SNRPN: variants seen among roughly 807,000 people sequenced by gnomAD.
SNRPN encodes the protein small nuclear ribonucleoprotein polypeptide N.
In SNRPN, 7 loss-of-function variants were observed where a neutral mutation model predicts 25.2. The observed-to-expected ratio is 0.28, with a 90% CI of 0.16 to 0.52. The LOEUF (loss-of-function observed/expected upper bound fraction) is 0.52, where lower values mean the gene tolerates loss of function less well. SNRPN is among the 20% of genes least tolerant of loss of function. The pLI, the probability that SNRPN is intolerant of heterozygous loss-of-function variation, is 0.96. For missense variants in SNRPN, 196 were observed against 322.5 expected, an observed-to-expected ratio of 0.61 and a Z score of 3.00; for synonymous variants, 124 against 110.6, an observed-to-expected ratio of 1.12 and a Z score of -0.76.
chr15:24,876,052 T>C (rs1404298762), intron 1 of SNRPN, among the ~76,000 whole-genome samples: 1 of 113,772 alleles, frequency 8.8e-6, no homozygotes, highest in Admixed American at 9.6e-5. Flanking sequence ...ATACTTTGTC[T>C]CAAAAAAAAA....
intron 2 of SNRPN, chr15:24,909,167 T>C: frequency 7.1e-7 from 1 of 1,418,342 alleles, no homozygotes; most frequent in Non-Finnish European, 9.9e-7. Context: ...CTGTTTCTTG[T>C]AAGCATTTTC....
chr15:24,978,357 C>T (rs1490193431), intron 9 of SNRPN, 39 bp downstream of exon 9: 1 of 1,613,880 alleles, frequency 6.2e-7, no homozygotes. Flanking sequence ...TCAGCCAGGC[C>T]CCTGAATATG....
Position 24,974,852 on chromosome 15 carries a change from C to T in SNRPN, c.3+396C>T, listed in dbSNP as rs191246087. On this transcript the variant is annotated intron_variant, in intron 4 of 9. Transcript: ENST00000390687. ...GGGATTACAGGCATGAGATGAGCCA[C>T]TGTGCCTGGCCATGAGAAATGTTTC... 32 of 695,478 alleles carry T rather than the reference C, an allele frequency of 4.6e-5. No homozygotes were observed. The East Asian group carries it at 8.1e-4, about 18-fold the overall frequency. 43.1% of individuals were successfully genotyped at this position (695,478 alleles called of 1,614,324 possible).
chr15:24,857,244 T>C, intron 1 of SNRPN, among the ~76,000 whole-genome samples: 1 of 152,332 alleles, frequency 6.6e-6, no homozygotes, highest in Non-Finnish European at 1.5e-5. Context: ...AATAGGAATG[T>C]CGTCATGTTG....
chr15:24,909,144 T>A, intron 2 of SNRPN: 1 of 1,353,190 alleles, frequency 7.4e-7, no homozygotes, highest in South Asian at 1.2e-5. Flanking sequence ...CTGTTCTTTA[T>A]GTATTGAGAG....
chr15:24,907,547 G>A (rs542728131), intron 2 of SNRPN, among the ~76,000 whole-genome samples: 18 of 151,980 alleles, frequency 1.2e-4, no homozygotes, highest in African/African-American at 9.6e-5. Flanking sequence ...GCAGTGAGCC[G>A]AGATCGTGCC....
intron 4 of SNRPN, 147 bp from the exon 5 acceptor site, chr15:24,975,211 T>C: frequency 1.5e-6 from 1 of 668,654 alleles, no homozygotes; most frequent in Non-Finnish European, 2.6e-6. Flanking sequence ...ATACTAAATA[T>C]GGAAGAATGT....
At chr15:24,869,727 G>A (rs1210686374) in intron 1 of SNRPN, among the ~76,000 whole-genome samples, 1 of 152,266 alleles carries the variant, frequency 6.6e-6, no homozygotes, top group East Asian at 1.9e-4. Flanking sequence ...GGACAAGTTA[G>A]CCTTTGTCAA....
intron 1 of SNRPN, among the ~76,000 whole-genome samples, chr15:24,958,154 T>C (rs181303445): frequency 6.6e-6 from 1 of 152,348 alleles, no homozygotes; most frequent in African/African-American, 2.4e-5. Context: ...AGTTACTCTG[T>C]ATCTTTATGT....
At chr15:24,883,713 C>G (rs993349952) in intron 1 of SNRPN, among the ~76,000 whole-genome samples, 1 of 151,614 alleles carries the variant, frequency 6.6e-6, no homozygotes, top group African/African-American at 2.4e-5. Context: ...TAGTATTTAT[C>G]AAGAATGTAG....
At chr15:24,927,474 AAATTTTTTTTTTTTTTTTTTTT>A (rs2060468399) in intron 3 of SNRPN, among the ~76,000 whole-genome samples, 1 of 6,854 alleles carries the variant, frequency 1.5e-4, no homozygotes, top group Non-Finnish European at 3.3e-4. Context: ...TAAAGTTTTT[AAATTTTTTTTTTTTTTTTTTTT>A]TTTTTTTTTT....
chr15:24,933,204 A>C (rs1315602659), intron 3 of SNRPN, among the ~76,000 whole-genome samples: 1 of 152,142 alleles, frequency 6.6e-6, no homozygotes, highest in Non-Finnish European at 1.5e-5. Flanking sequence ...GGCTGCAGTT[A>C]GCCAAGATCC....
intron 1 of SNRPN, among the ~76,000 whole-genome samples, chr15:24,881,406 C>T (rs902476618): frequency 1.4e-4 from 21 of 151,414 alleles, no homozygotes; most frequent in Non-Finnish European, 2.8e-4. Context: ...GGGTGGACAC[C>T]TGTAATCCCA....
intron 2 of SNRPN, among the ~76,000 whole-genome samples, chr15:24,835,710 A>G (rs2051110118): frequency 6.6e-6 from 1 of 152,188 alleles, no homozygotes; most frequent in Non-Finnish European, 1.5e-5. Flanking sequence ...ACCAAAATGT[A>G]CAACTTTTTA....
intron 2 of SNRPN, among the ~76,000 whole-genome samples, chr15:24,834,751 C>CTCTCTCTCTCTCTCTCTCTATATATATA: frequency 1.6e-5 from 1 of 60,944 alleles, no homozygotes; most frequent in African/African-American, 5.9e-5. Flanking sequence ...CTCTCTCTCT[C>CTCTCTCTCTCTCTCTCTCTATATATATA]TATATATATA....
In SNRPN at chr15:24,835,093, T is replaced by TATATATACTATATATATCTATATATAAA. The variant is rs1566807559; in HGVS notation, c.-579+5191_-579+5192insTATACTATATATATCTATATATAAAATA. ...AGTATATATATCTATATATAAAATA[T>TATATATACTATATATATCTATATATAAA]ATAGATATATATACTATATATCTAT... is the stretch of plus-strand genomic sequence containing the variant. On this transcript the variant is annotated intron_variant, in intron 2 of 12. Transcript: ENST00000400100. Among the ~76,000 whole-genome samples the TATATATACTATATATATCTATATATAAA allele has an allele frequency of 4.1e-3, 45 of 10,892 alleles. 2 individuals are homozygous for TATATATACTATATATATCTATATATAAA. Among genetic ancestry groups the TATATATACTATATATATCTATATATAAA allele is most frequent in the African/African-American group, 7.5e-3 (31 of 4,110 alleles). 7.1% of individuals were successfully genotyped at this position (10,892 alleles called of 152,430 possible).
intron 3 of SNRPN, among the ~76,000 whole-genome samples, chr15:24,968,610 C>T (rs1230351881): frequency 6.6e-6 from 1 of 152,126 alleles, no homozygotes; most frequent in Admixed American, 6.5e-5. Flanking sequence ...TTACAACATA[C>T]TTTCACAGCA....
chr15:24,962,216 A>G lies in SNRPN; in HGVS notation c.-295+7A>G. ...CCTCACTGAGCAACCAAGAGTGAGT[A>G]CAGACTGTGTTGGGAACAAATGCAA... On this transcript the variant is annotated splice_region_variant and intron_variant, in intron 2 of 9. Transcript: ENST00000390687. The G allele has an allele frequency of 6.2e-7, 1 of 1,610,908 alleles. No homozygotes were observed.
intron 2 of SNRPN, among the ~76,000 whole-genome samples, chr15:24,899,943 G>A (rs1358801183): frequency 6.6e-6 from 1 of 152,186 alleles, no homozygotes; most frequent in African/African-American, 2.4e-5. Flanking sequence ...AATCTGGGAG[G>A]TTGTGTTGGT....
Sources: allele counts gnomAD v4.1 joint callset (sites outside exome capture counted in the v4.1 genomes callset), GRCh38; gene constraint gnomAD v4.1.1; transcripts MANE v1.5; gene names NCBI Gene and HGNC (gene_info 2026-07-23, HGNC 2026-07-21).